The following GRID2 variants were observed in gnomAD, a reference collection of about 807,000 sequenced individuals.
GRID2 encodes glutamate receptor ionotropic, delta-2.
Under a neutral mutation model 114.8 loss-of-function variants are expected in GRID2, and 33 were observed. The ratio of observed to expected loss-of-function variants is 0.29; its 90% CI spans 0.22 to 0.38. GRID2 has a LOEUF of 0.38. Among genes scored for constraint, GRID2 ranks in the 10% least tolerant of loss-of-function variants. GRID2 has a pLI of 1.00. For synonymous variants in GRID2, 505 were observed against 449.9 expected, an observed-to-expected ratio of 1.12 and a Z score of -1.55; for missense variants, 1,184 against 1,257.7, an observed-to-expected ratio of 0.94 and a Z score of 0.89.
intron 8 of GRID2, among the ~76,000 whole-genome samples, chr4:93,377,744 T>A (rs2149303013): frequency 1.3e-5 from 2 of 152,226 alleles, no homozygotes; most frequent in Non-Finnish European, 2.9e-5. Context: ...TTTTCAAGAG[T>A]CTTTTCCCTC....
intron 8 of GRID2, among the ~76,000 whole-genome samples, chr4:93,341,484 G>A (rs1422041448): frequency 7.2e-5 from 11 of 152,040 alleles, no homozygotes; most frequent in East Asian, 1.9e-4. Flanking sequence ...CACCACGCCC[G>A]GCTCATTTTT....
chr4:92,864,811 A>G (rs1438449614), intron 2 of GRID2, among the ~76,000 whole-genome samples: 5 of 152,186 alleles, frequency 3.3e-5, no homozygotes, highest in Non-Finnish European at 7.4e-5. Context: ...AAACAAAGAC[A>G]TCTTATCTCA....
intron 14 of GRID2, among the ~76,000 whole-genome samples, chr4:93,661,117 T>C (rs2149737277): frequency 6.6e-6 from 1 of 152,296 alleles, no homozygotes; most frequent in Non-Finnish European, 1.5e-5. Context: ...CCCAACAAAA[T>C]GTAGTAGTCA....
intron 2 of GRID2, among the ~76,000 whole-genome samples, chr4:92,666,743 G>T (rs565135779): frequency 2.3e-4 from 32 of 140,704 alleles, no homozygotes; most frequent in Admixed American, 6.9e-4. Flanking sequence ...ATTTTCAGGT[G>T]CTGTGAATGT....
At position 93,224,933 on chromosome 4, in the gene GRID2, C is replaced by G. The variant is rs974929725; in HGVS notation, c.1125+158C>G. Among the ~76,000 whole-genome samples the G allele has an allele frequency of 4.3e-4, 66 of 151,788 alleles. 1 individual carries two copies. Among genetic ancestry groups the G allele is most frequent in the African/African-American group, 1.6e-3 (66 of 41,314 alleles). ...AAAAGAAAAAAGGTGAGAGAGTCAT[C>G]AACATATAAAAAGGGGAGGCTTCCT... On this transcript the variant is annotated intron_variant, in intron 7 of 15. Coordinates refer to ENST00000282020, the MANE Select transcript of GRID2 (RefSeq NM_001510.4).
At chr4:92,987,644 C>G (rs905439697) in intron 2 of GRID2, among the ~76,000 whole-genome samples, 9 of 150,996 alleles carry the variant, frequency 6.0e-5, no homozygotes, top group African/African-American at 1.9e-4. Context: ...AAAATAAATC[C>G]TATTGATGCT....
At chr4:92,673,362 C>T (rs6532380) in intron 2 of GRID2, among the ~76,000 whole-genome samples, 9,298 of 152,186 alleles carry the variant, frequency 0.061, 342 homozygotes, top group East Asian at 0.16. Flanking sequence ...TTTCTACATA[C>T]GCTATTTTTT....
chr4:93,487,877 C>T (rs1357786106), intron 11 of GRID2, among the ~76,000 whole-genome samples: 4 of 151,906 alleles, frequency 2.6e-5, no homozygotes, highest in African/African-American at 9.7e-5. Context: ...CAACCATTAC[C>T]AACCATTACC....
intron 7 of GRID2, among the ~76,000 whole-genome samples, chr4:93,234,644 C>A (rs1470796591): frequency 1.9e-5 from 2 of 104,070 alleles, no homozygotes; most frequent in Non-Finnish European, 4.3e-5. Context: ...ATTTGTCGTC[C>A]TCTTTTTTTT....
intron 13 of GRID2, among the ~76,000 whole-genome samples, chr4:93,552,126 G>T (rs868412504): frequency 6.7e-6 from 1 of 149,508 alleles, no homozygotes; most frequent in South Asian, 2.1e-4. Context: ...GAGAACATGC[G>T]GTGTTTGGTT....
At chr4:92,412,159 T>C (rs1031445988) in intron 1 of GRID2, among the ~76,000 whole-genome samples, 2 of 152,048 alleles carry the variant, frequency 1.3e-5, no homozygotes, top group African/African-American at 4.8e-5. Context: ...CAATTGGCTC[T>C]TGTGAGTTAG....
intron 4 of GRID2, among the ~76,000 whole-genome samples, chr4:93,177,024 A>G (rs1739406780): frequency 6.6e-6 from 1 of 152,182 alleles, no homozygotes; most frequent in South Asian, 2.1e-4. Context: ...CCTACCTAGC[A>G]GAAAAAAATT....
At chr4:92,918,383 A>T (rs554251590) in intron 2 of GRID2, among the ~76,000 whole-genome samples, 6 of 152,178 alleles carry the variant, frequency 3.9e-5, no homozygotes, top group East Asian at 1.9e-4. Flanking sequence ...AACTTCCAAC[A>T]CTATGTTGAA....
At chr4:93,654,713 C>G (rs1722859067) in intron 14 of GRID2, among the ~76,000 whole-genome samples, 1 of 151,882 alleles carries the variant, frequency 6.6e-6, no homozygotes, top group South Asian at 2.1e-4. Context: ...CATATAGAAC[C>G]CAAAAACCCA....
chr4:93,365,353 CTAGAGT>C (rs1349188485), intron 8 of GRID2, among the ~76,000 whole-genome samples: 2 of 152,114 alleles, frequency 1.3e-5, no homozygotes, highest in Non-Finnish European at 2.9e-5. Context: ...TTTCTCAGAC[CTAGAGT>C]TAAAGATCAA....
intron 1 of GRID2, among the ~76,000 whole-genome samples, chr4:92,435,653 C>T (rs931183408): frequency 6.6e-5 from 10 of 152,150 alleles, no homozygotes; most frequent in Non-Finnish European, 1.3e-4. Context: ...AAGAACTTTC[C>T]GAGCTTTCAT....
At chr4:93,305,072 T>C (rs1755275927) in intron 8 of GRID2, among the ~76,000 whole-genome samples, 1 of 152,136 alleles carries the variant, frequency 6.6e-6, no homozygotes, top group Non-Finnish European at 1.5e-5. Context: ...AAAATATTTT[T>C]AAGAGTTTTA....
At chr4:93,288,130 T>C (rs1400633661) in intron 8 of GRID2, among the ~76,000 whole-genome samples, 2 of 152,176 alleles carry the variant, frequency 1.3e-5, no homozygotes, top group African/African-American at 4.8e-5. Context: ...CAAATTATAT[T>C]TTATTGGGAT....
intron 1 of GRID2, among the ~76,000 whole-genome samples, chr4:92,375,435 A>G (rs1288621241): frequency 6.6e-6 from 1 of 152,182 alleles, no homozygotes; most frequent in Non-Finnish European, 1.5e-5. Context: ...TTTGAAAATT[A>G]TAGTATCCTC....
Sources: gnomAD v4.1 joint callset for allele counts (sites outside exome capture counted in the v4.1 genomes callset) on GRCh38, gnomAD v4.1.1 for gene constraint, MANE v1.5 for transcripts, NCBI Gene and HGNC (gene_info 2026-07-23, HGNC 2026-07-21) for gene names.